GNAQ: variants seen among roughly 807,000 people sequenced by gnomAD.
GNAQ encodes the protein guanine nucleotide-binding protein G(q) subunit alpha.
A neutral mutation model predicts 43.9 loss-of-function variants in GNAQ; 8 were observed. The observed-to-expected ratio is 0.18, with a 90% CI of 0.11 to 0.33. The LOEUF is 0.33. GNAQ is among the 10% of genes least tolerant of loss of function. The pLI, the probability that GNAQ is intolerant of heterozygous loss-of-function variation, is 1.00. For missense variants in GNAQ, 158 were observed against 450.8 expected (o/e 0.35, Z 5.88); for synonymous variants, 155 against 170.7 (o/e 0.91, Z 0.71).
chr9:77,745,249 C>G (rs994482272), intron 5 of GNAQ, among the ~76,000 whole-genome samples: 46 of 152,102 alleles, frequency 3.0e-4, no homozygotes, highest in Non-Finnish European at 2.9e-4. Flanking sequence ...CTCCAACACC[C>G]AGACTCCTAA....
Position 77,948,563 on chromosome 9 carries a change from C to A in GNAQ, c.137-26218G>T, listed in dbSNP as rs201702503. ...GTCCAGCCAGGAGGGCAGCCTAGGC[C>A]TGTGCATGCAAGAATTAACACAGCG... is the stretch of plus-strand genomic sequence containing the variant. On this transcript the variant is annotated intron_variant, in intron 1 of 6. Transcript: ENST00000286548. 1.4e-4 allele frequency among the ~76,000 whole-genome samples: 22 copies of A among 152,254 alleles called. No homozygotes were observed. In the East Asian group the frequency reaches 3.3e-3, roughly 23 times the overall value.
intron 1 of GNAQ, among the ~76,000 whole-genome samples, chr9:77,938,160 AAATGCTATGTT>A (rs1829260993): frequency 6.6e-5 from 10 of 152,192 alleles, no homozygotes; most frequent in Admixed American, 6.5e-4. Context: ...GATACAATGT[AAATGCTATGTT>A]AATAGTTGTT....
intron 1 of GNAQ, among the ~76,000 whole-genome samples, chr9:77,963,042 A>G (rs1202318601): frequency 6.6e-6 from 1 of 152,176 alleles, no homozygotes; most frequent in Non-Finnish European, 1.5e-5. Flanking sequence ...ATAAGAAGAT[A>G]CTGGTTTGAA....
intron 2 of GNAQ, among the ~76,000 whole-genome samples, chr9:77,901,915 G>T (rs1828622911): frequency 6.6e-6 from 1 of 152,144 alleles, no homozygotes; most frequent in African/African-American, 2.4e-5. Context: ...CTGAGTAGAA[G>T]GGAACTAGCT....
intron 5 of GNAQ, among the ~76,000 whole-genome samples, chr9:77,792,947 A>AT (rs1018313829): frequency 2.6e-5 from 4 of 151,820 alleles, no homozygotes; most frequent in East Asian, 1.9e-4. Context: ...GGCAGAGTTG[A>AT]TTTTTTTCCC....
intron 5 of GNAQ, among the ~76,000 whole-genome samples, chr9:77,737,415 G>A (rs1439277026): frequency 6.6e-6 from 1 of 152,218 alleles, no homozygotes; most frequent in Non-Finnish European, 1.5e-5. Context: ...TGGTGTAACA[G>A]GCATTCCTTC....
intron 1 of GNAQ, among the ~76,000 whole-genome samples, chr9:77,952,834 C>G (rs1822998943): frequency 1.3e-5 from 2 of 152,122 alleles, no homozygotes; most frequent in African/African-American, 4.8e-5. Context: ...AGGTTTCATG[C>G]TAGTGACTCA....
intron 2 of GNAQ, among the ~76,000 whole-genome samples, chr9:77,911,486 T>G (rs1476699924): frequency 6.6e-6 from 1 of 152,190 alleles, no homozygotes; most frequent in East Asian, 1.9e-4. Flanking sequence ...ATACCAGGAT[T>G]AAAATACTAT....
chr9:78,003,449 C>T (rs1163280673), intron 1 of GNAQ, among the ~76,000 whole-genome samples: 1 of 152,164 alleles, frequency 6.6e-6, no homozygotes, highest in Non-Finnish European at 1.5e-5. Flanking sequence ...GCCACTGATA[C>T]CTTCAGAGAT....
intron 1 of GNAQ, among the ~76,000 whole-genome samples, chr9:77,958,778 CCAAT>C (rs1426037159): frequency 6.6e-6 from 1 of 152,074 alleles, no homozygotes; most frequent in Non-Finnish European, 1.5e-5. Flanking sequence ...CCGACTGTGG[CCAAT>C]CAAATGCAAT....
At chr9:77,789,595 T>C (rs896227371) in intron 5 of GNAQ, among the ~76,000 whole-genome samples, 1 of 152,180 alleles carries the variant, frequency 6.6e-6, no homozygotes, top group Admixed American at 6.5e-5. Context: ...TTCCAAATTC[T>C]TTTCTTTTTT....
Position 77,892,438 on chromosome 9 carries a change from A to G in GNAQ, c.321+29723T>C, listed in dbSNP as rs79709379. On this transcript the variant is annotated intron_variant, in intron 2 of 6. Coordinates refer to ENST00000286548, the MANE Select transcript of GNAQ (RefSeq NM_002072.5). Reference sequence around the variant, plus strand: ...ACTGTCTTGGATTTCTCATAGGTTCAATACTGGTTTCTATCACACCCACAC... The same window carrying G: ...ACTGTCTTGGATTTCTCATAGGTTCGATACTGGTTTCTATCACACCCACAC... 6.3e-3 allele frequency among the ~76,000 whole-genome samples: 955 copies of G among 152,332 alleles called. 12 individuals are homozygous for G. Among genetic ancestry groups the G allele is most frequent in the African/African-American group, 0.021 (892 of 41,580 alleles).
intron 2 of GNAQ, among the ~76,000 whole-genome samples, chr9:77,881,899 A>G (rs1401928645): frequency 6.6e-6 from 1 of 152,150 alleles, no homozygotes; most frequent in Admixed American, 6.5e-5. Context: ...GTACTTTGGG[A>G]GGCCGTGGCA....
intron 3 of GNAQ, among the ~76,000 whole-genome samples, chr9:77,808,641 C>G (rs1057440781): frequency 3.3e-5 from 5 of 151,952 alleles, no homozygotes; most frequent in African/African-American, 1.2e-4. Context: ...ATAATGACTT[C>G]TCAGATAAAG....
intron 4 of GNAQ, among the ~76,000 whole-genome samples, chr9:77,795,082 C>T (rs1826636111): frequency 6.6e-6 from 1 of 152,122 alleles, no homozygotes; most frequent in African/African-American, 2.4e-5. Context: ...TATGATGCTT[C>T]CACTAAATGC....
intron 2 of GNAQ, among the ~76,000 whole-genome samples, chr9:77,894,199 C>T (rs1196221070): frequency 6.7e-6 from 1 of 149,450 alleles, no homozygotes; most frequent in African/African-American, 2.5e-5. Flanking sequence ...ATCTGTACTA[C>T]ATAGATAAGG....
chr9:77,945,503 T>C (rs1046981729), intron 1 of GNAQ, among the ~76,000 whole-genome samples: 2 of 152,074 alleles, frequency 1.3e-5, no homozygotes, highest in East Asian at 3.9e-4. Flanking sequence ...CAATAAAGTG[T>C]TTATTAGGAA....
At chr9:77,836,708 C>G (rs1398362022) in intron 2 of GNAQ, among the ~76,000 whole-genome samples, 1 of 152,144 alleles carries the variant, frequency 6.6e-6, no homozygotes, top group Non-Finnish European at 1.5e-5. Context: ...AATCCTGTAT[C>G]TGCTGAATCT....
At chr9:77,965,804 T>G (rs1823158723) in intron 1 of GNAQ, among the ~76,000 whole-genome samples, 2 of 151,480 alleles carry the variant, frequency 1.3e-5, no homozygotes, top group Non-Finnish European at 2.9e-5. Context: ...TGGTAATGTG[T>G]TCCAGCCATT....
Sources: allele counts gnomAD v4.1 joint callset (sites outside exome capture counted in the v4.1 genomes callset), GRCh38; gene constraint gnomAD v4.1.1; transcripts MANE v1.5; gene names NCBI Gene and HGNC (gene_info 2026-07-23, HGNC 2026-07-21).